The following SCN3A variants were observed in gnomAD, a reference collection of about 807,000 sequenced individuals.
SCN3A encodes sodium channel protein type 3 subunit alpha.
A neutral mutation model predicts 187.6 loss-of-function variants in SCN3A; 60 were observed. The ratio of observed to expected loss-of-function variants is 0.32; its 90% CI spans 0.26 to 0.40. The LOEUF (loss-of-function observed/expected upper bound fraction) is 0.40, where lower values mean the gene tolerates loss of function less well. Among genes scored for constraint, SCN3A ranks in the 10% least tolerant of loss-of-function variants. SCN3A has a pLI of 1.00. For synonymous variants in SCN3A, 788 were observed against 829.2 expected, an observed-to-expected ratio of 0.95 and a Z score of 0.85; for missense variants, 1,601 against 2,428.2, an observed-to-expected ratio of 0.66 and a Z score of 7.16.
chr2:165,155,942 A>G, intron 9 of SCN3A, 39 bp from the exon 10 acceptor site: 1 of 1,611,664 alleles, frequency 6.2e-7, no homozygotes, highest in South Asian at 1.1e-5. Flanking sequence ...CAGTTTAGAA[A>G]TTACAGCAAT....
chr2:165,202,584 G>A (rs1186478407), intron 1 of SCN3A, among the ~76,000 whole-genome samples: 1 of 151,894 alleles, frequency 6.6e-6, no homozygotes, highest in Non-Finnish European at 1.5e-5. Context: ...TTTTTGGGGG[G>A]ACTATTATTG....
At position 165,163,167 on chromosome 2, in the gene SCN3A, C is replaced by T. The variant is rs968434489; in HGVS notation, c.695-339G>A. Among the ~76,000 whole-genome samples, 20 of 152,184 alleles carry T rather than the reference C, an allele frequency of 1.3e-4. No homozygotes were observed. In the South Asian group the frequency reaches 2.5e-3, roughly 19 times the overall value. On this transcript the variant is annotated intron_variant, in intron 7 of 27. Transcript: ENST00000283254. ...ATTTTCCACCAATCCATTCTTTACT[C>T]TAGCCTCCAAGCAGTAGTAATTTAG...
At position 165,091,050 on chromosome 2, in the gene SCN3A, G is replaced by A. The variant is rs1553517353; in HGVS notation, c.5103C>T (p.Cys1701=). 1.2e-6 allele frequency: 2 copies of A among 1,614,108 alleles called. No individual in the cohort carries two copies. The highest frequency in any genetic ancestry group is 1.7e-6 in the Non-Finnish European group (2 of 1,180,006). Residue 1701 remains cysteine, a synonymous_variant, in exon 28 of 28, where the codon TGC becomes TGT. Transcript: ENST00000283254. ...CAGCAGAGGTTGTAATTTGGAACAAGCAGATCATGCTGTTGCCAAAGGTCT... is the reference window on the plus strand; with the variant it reads ...CAGCAGAGGTTGTAATTTGGAACAAACAGATCATGCTGTTGCCAAAGGTCT... ...NFETFGNSMI[C]LFQITTSAGW... is the part of the protein sequence containing the mutation.
At chr2:165,134,207 GAAAC>G (rs1264358729) in intron 15 of SCN3A, among the ~76,000 whole-genome samples, 1 of 152,142 alleles carries the variant, frequency 6.6e-6, no homozygotes, top group Non-Finnish European at 1.5e-5. Context: ...GAAAAACAAT[GAAAC>G]AAACACAACA....
chr2:165,127,494 A>G (rs1687063528), intron 18 of SCN3A, 137 bp downstream of exon 18: 1 of 717,392 alleles, frequency 1.4e-6, no homozygotes, highest in East Asian at 2.7e-5. Context: ...GTATCTTGTG[A>G]TTTTCCAACA....
Position 165,094,488 on chromosome 2 carries a change from T to C in SCN3A, c.4432-10A>G. 1 of 1,566,734 alleles carries C rather than the reference T, an allele frequency of 6.4e-7. No individual in the cohort carries two copies. Among genetic ancestry groups the C allele is most frequent in the Non-Finnish European group, 8.8e-7 (1 of 1,137,176 alleles). ...TGTCTTGACCTCCAAAGTAAAGACA[T>C]AGTATAAAACTGGTTACAATTCTGT... On this transcript the variant is annotated splice_polypyrimidine_tract_variant and intron_variant, in intron 25 of 27. Coordinates refer to ENST00000283254, the MANE Select transcript of SCN3A (RefSeq NM_006922.4).
intron 22 of SCN3A, among the ~76,000 whole-genome samples, chr2:165,098,853 T>C (rs1248816229): frequency 6.6e-6 from 1 of 152,200 alleles, no homozygotes; most frequent in Admixed American, 6.5e-5. Flanking sequence ...GTTTTAAATT[T>C]TGCTCAGTTG....
Position 165,146,953 on chromosome 2 carries a change from G to A in SCN3A, c.1457C>T (p.Ser486Leu). 6.2e-7 allele frequency: 1 copy of A among 1,613,998 alleles called. No individual in the cohort carries two copies. The highest frequency in any genetic ancestry group is 8.5e-7 in the Non-Finnish European group (1 of 1,179,946). Residue 486 changes from serine (S) to leucine (L), a missense_variant, in exon 12 of 28, where the codon TCA becomes TTA. Transcript: ENST00000283254. ...TTTGGAACTCAACTTTGATGCTTCT[G>A]AAGAACTTTCCAACAGCTCTCCTAA... ...GGLGELLESS[S>L]EASKLSSKSA...
chr2:165,160,225 G>A lies in SCN3A; in HGVS notation c.1031+2083C>T, dbSNP rs1207104066. Among the ~76,000 whole-genome samples, 4 of 93,414 alleles carry A rather than the reference G, an allele frequency of 4.3e-5. 1 individual carries two copies. The highest frequency in any genetic ancestry group is 7.5e-5 in the Non-Finnish European group (4 of 53,230). 61.3% of individuals were successfully genotyped at this position (93,414 alleles called of 152,430 possible). ...CCAGCACTTTGGGAGGCCGAGGCAG[G>A]TGAATCATTTGAGATCAGGCTCCCA... On this transcript the variant is annotated intron_variant, in intron 9 of 27. Coordinates refer to ENST00000283254, the MANE Select transcript of SCN3A (RefSeq NM_006922.4).
intron 15 of SCN3A, among the ~76,000 whole-genome samples, chr2:165,136,506 C>G (rs770951571): frequency 6.6e-6 from 1 of 152,172 alleles, no homozygotes; most frequent in Non-Finnish European, 1.5e-5. Context: ...TATTATTACA[C>G]TCATTTCAAT....
At chr2:165,157,312 A>G (rs932151541) in intron 9 of SCN3A, among the ~76,000 whole-genome samples, 6 of 152,132 alleles carry the variant, frequency 3.9e-5, no homozygotes, top group Non-Finnish European at 7.4e-5. Context: ...GGCTGTGACA[A>G]TCTCTCAGAC....
At position 165,090,615 on chromosome 2, in the gene SCN3A, C is replaced by T; in HGVS notation, c.5538G>A (p.Arg1846=). The T allele has an allele frequency of 3.1e-6, 5 of 1,614,022 alleles. No homozygotes were observed. The highest frequency in any genetic ancestry group is 3.4e-6 in the Non-Finnish European group (4 of 1,179,992). ...CAAATAAAATATCAAGACAGTGGAT[C>T]CGGTCACCACTGACCATGGGCAGAT... ...AMDLPMVSGD[R]IHCLDILFAF... Residue 1846 remains arginine (R), a synonymous_variant, in exon 28 of 28, where the codon CGG becomes CGA. Transcript: ENST00000283254. This position sits in a 1 kb window ranked among gnomAD's most constrained non-coding sequence, Gnocchi z 4.0.
chr2:165,181,798 T>C (rs901306563), intron 2 of SCN3A, among the ~76,000 whole-genome samples: 2 of 152,204 alleles, frequency 1.3e-5, no homozygotes, highest in African/African-American at 4.8e-5. Flanking sequence ...ACACAAGTGC[T>C]TTTCCTAGAG....
intron 23 of SCN3A, among the ~76,000 whole-genome samples, 163 bp downstream of exon 23, chr2:165,097,089 G>A (rs1685393894): frequency 6.6e-6 from 1 of 152,034 alleles, no homozygotes; most frequent in Non-Finnish European, 1.5e-5. Context: ...TAAAATAATT[G>A]TAACATCTTT....
At position 165,176,072 on chromosome 2, in the gene SCN3A, G is replaced by A; in HGVS notation, c.264+59C>T. The A allele has an allele frequency of 3.2e-6, 5 of 1,547,754 alleles. No individual in the cohort carries two copies. The South Asian group carries it at 5.6e-5, about 17-fold the overall frequency. ...GATGCTGTATATAAGGCCCAGAAAA[G>A]TATATTACAGTTAAGAGTTTCATTA... On this transcript the variant is annotated intron_variant, in intron 3 of 27. Coordinates refer to ENST00000283254, the MANE Select transcript of SCN3A (RefSeq NM_006922.4).
intron 5 of SCN3A, among the ~76,000 whole-genome samples, chr2:165,167,952 A>G (rs1689876653): frequency 1.3e-5 from 2 of 152,152 alleles, no homozygotes. Flanking sequence ...TTTTATTTTG[A>G]TGAAATCATA....
At chr2:165,200,681 T>C (rs1574367406) in intron 1 of SCN3A, among the ~76,000 whole-genome samples, 1 of 151,998 alleles carries the variant, frequency 6.6e-6, no homozygotes, top group East Asian at 1.9e-4. Flanking sequence ...GCCATGAAGA[T>C]GAAGCTGACA....
chr2:165,118,276 C>T (rs1194052552), intron 18 of SCN3A, among the ~76,000 whole-genome samples: 1 of 152,164 alleles, frequency 6.6e-6, no homozygotes, highest in African/African-American at 2.4e-5. Flanking sequence ...AAGGAAAAAA[C>T]CCTGCCACCA....
chr2:165,147,291 G>C (rs925440984), intron 11 of SCN3A, among the ~76,000 whole-genome samples: 4 of 138,416 alleles, frequency 2.9e-5, no homozygotes, highest in East Asian at 4.5e-4. Flanking sequence ...TTTGGGGGGG[G>C]GGGGTTGGTG....
Sources: gnomAD v4.1 joint callset for allele counts (sites outside exome capture counted in the v4.1 genomes callset) on GRCh38, gnomAD v4.1.1 for gene constraint, Gnocchi (gnomAD v3.1) non-coding constraint, MANE v1.5 for transcripts, NCBI Gene and HGNC (gene_info 2026-07-23, HGNC 2026-07-21) for gene names.